The following FAAH2 variants were observed in gnomAD, a reference collection of about 807,000 sequenced individuals.
FAAH2 encodes fatty-acid amide hydrolase 2.
A neutral mutation model predicts 36.9 loss-of-function variants in FAAH2; 60 were observed. The observed-to-expected ratio is 1.63, with a 90% CI of 1.32 to 2.02. The LOEUF is 2.02. Ranked by LOEUF, FAAH2 falls within the 30% of genes most tolerant of loss-of-function variation. The probability of loss-of-function intolerance (pLI) is 0.00; values close to 1 mark genes in which losing one functional copy is unlikely to be tolerated. For synonymous variants in FAAH2, 214 were observed against 143.8 expected (o/e 1.49, Z -3.49); for missense variants, 689 against 397.5 (o/e 1.73, Z -6.23).
chrX:57,250,853 T>C, the FAAH2 span, among the ~76,000 whole-genome samples: 1 of 110,599 alleles, frequency 9.0e-6, no homozygotes, highest in East Asian at 2.8e-4. Context: ...TTAAGGAGAT[T>C]GAATCAATAA....
intron 7 of FAAH2, chrX:57,395,434 G>T (rs763053385): frequency 3.5e-4 from 226 of 650,260 alleles, no homozygotes; most frequent in Middle Eastern, 5.1e-4. Flanking sequence ...TGCTGCCCAC[G>T]ATGGACACCA....
chrX:57,425,614 CTAA>C (rs2056142590), intron 7 of FAAH2, among the ~76,000 whole-genome samples: 1 of 111,240 alleles, frequency 9.0e-6, no homozygotes, highest in African/African-American at 3.3e-5. Context: ...GAATCCTGCT[CTAA>C]TGTTTATAAA....
At chrX:57,432,093 T>C in intron 8 of FAAH2, 56 bp downstream of exon 8, 1 of 1,047,170 alleles carries the variant, frequency 9.5e-7, no homozygotes, top group South Asian at 2.2e-5. Flanking sequence ...TTTATTGAGC[T>C]TCTATTGTGG....
chrX:57,466,713 C>G (rs1003443991), intron 10 of FAAH2, among the ~76,000 whole-genome samples: 3 of 110,915 alleles, frequency 2.7e-5, no homozygotes, highest in African/African-American at 9.8e-5. Flanking sequence ...ATTATTTTCC[C>G]CACTTGAGAT....
chrX:57,328,333 C>T (rs986590661), intron 3 of FAAH2, among the ~76,000 whole-genome samples: 3 of 111,742 alleles, frequency 2.7e-5, no homozygotes, highest in African/African-American at 6.5e-5. Context: ...TCTCAAGCTG[C>T]GTGCTGGGAG....
At chrX:57,233,876 C>T in the FAAH2 span, among the ~76,000 whole-genome samples, 1 of 112,647 alleles carries the variant, frequency 8.9e-6, no homozygotes, top group Admixed American at 9.3e-5. Flanking sequence ...GAATTTCTGG[C>T]CTTAAGTGAT....
the FAAH2 span, among the ~76,000 whole-genome samples, chrX:57,209,296 G>GA: frequency 1.8e-5 from 2 of 112,147 alleles, no homozygotes; most frequent in African/African-American, 3.2e-5. Flanking sequence ...AGTTTCACCA[G>GA]AAAAAAGCAA....
At chrX:57,431,810 G>T (rs1349509160) in intron 7 of FAAH2, 108 bp from the exon 8 acceptor site, 2 of 132,738 alleles carry the variant, frequency 1.5e-5, no homozygotes, top group Non-Finnish European at 2.4e-5. Context: ...TTTCCATGGG[G>T]CAATGAGGGC....
At chrX:57,441,166 T>C (rs1043696402) in intron 8 of FAAH2, among the ~76,000 whole-genome samples, 2 of 111,887 alleles carry the variant, frequency 1.8e-5, no homozygotes, top group Admixed American at 1.9e-4. Context: ...ATTGGAATAG[T>C]TTCAGAGGGA....
intron 7 of FAAH2, among the ~76,000 whole-genome samples, chrX:57,429,028 TCAA>T (rs760985483): frequency 8.0e-4 from 89 of 111,410 alleles, no homozygotes; most frequent in Non-Finnish European, 1.3e-3. Flanking sequence ...CTCAGACATC[TCAA>T]CAACAACAAA....
chrX:57,392,154 A>G (rs2055182034), intron 7 of FAAH2, among the ~76,000 whole-genome samples: 1 of 111,530 alleles, frequency 9.0e-6, no homozygotes, highest in African/African-American at 3.3e-5. Flanking sequence ...CTTTATTTAC[A>G]TTGATTTGGT....
chrX:57,428,677 A>G (rs1376365807), intron 7 of FAAH2, among the ~76,000 whole-genome samples: 1 of 112,163 alleles, frequency 8.9e-6, no homozygotes, highest in Non-Finnish European at 1.9e-5. Flanking sequence ...TTGGAAAATT[A>G]GGTGGCCATA....
chrX:57,309,898 A>C (rs144152497), intron 2 of FAAH2, among the ~76,000 whole-genome samples: 1 of 111,945 alleles, frequency 8.9e-6, no homozygotes, highest in Non-Finnish European at 1.9e-5. Context: ...ATATGTGTGC[A>C]TGTATCTTTA....
the FAAH2 span, among the ~76,000 whole-genome samples, chrX:57,170,795 C>T: frequency 9.1e-6 from 1 of 110,330 alleles, no homozygotes; most frequent in East Asian, 2.8e-4. Context: ...ACCTCCATCT[C>T]CCGGGTTTAA....
At position 57,454,998 on chromosome X, in the gene FAAH2, A is replaced by G. The variant is rs111350868; in HGVS notation, c.1423+6280A>G. 1.0e-2 allele frequency among the ~76,000 whole-genome samples: 1,112 copies of G among 111,585 alleles called. 13 individuals carry two copies. The highest frequency in any genetic ancestry group is 0.034 in the African/African-American group (1,055 of 30,707). On this transcript the variant is annotated intron_variant, in intron 10 of 10. Transcript: ENST00000374900. ...ATGACAAACCGGAAGGTACATAGTC[A>G]TCAGATTCACCAAGATCAACTCAAA...
the FAAH2 span, among the ~76,000 whole-genome samples, chrX:57,123,362 A>G: frequency 1.8e-5 from 2 of 112,093 alleles, no homozygotes; most frequent in East Asian, 5.6e-4. Flanking sequence ...ATAGTATTCC[A>G]TGGTGTATAT....
At chrX:57,151,588 C>T in the FAAH2 span, among the ~76,000 whole-genome samples, 1 of 111,888 alleles carries the variant, frequency 8.9e-6, no homozygotes, top group African/African-American at 3.2e-5. Context: ...ATGTAGTTCT[C>T]GAGTCTTGGC....
chrX:57,439,019 G>C (rs1157047272), intron 8 of FAAH2, among the ~76,000 whole-genome samples: 2 of 110,842 alleles, frequency 1.8e-5, no homozygotes, highest in Non-Finnish European at 3.8e-5. Context: ...CATTTGGGTT[G>C]GTTCCAAGTC....
At chrX:57,168,285 G>A in the FAAH2 span, among the ~76,000 whole-genome samples, 1 of 109,532 alleles carries the variant, frequency 9.1e-6, no homozygotes, top group Non-Finnish European at 1.9e-5. Flanking sequence ...TTATATAATT[G>A]TGTTAGAAAC....
Sources: gnomAD v4.1 joint callset for allele counts (sites outside exome capture counted in the v4.1 genomes callset) on GRCh38, gnomAD v4.1.1 for gene constraint, MANE v1.5 for transcripts, NCBI Gene and HGNC (gene_info 2026-07-23, HGNC 2026-07-21) for gene names.